Variants in VWC2L observed in about 807,000 individuals in gnomAD.
VWC2L encodes von Willebrand factor C domain-containing protein 2-like.
Under a neutral mutation model 21.6 loss-of-function variants are expected in VWC2L, and 10 were observed. That is an observed-to-expected ratio of 0.46 (90% confidence interval 0.29 to 0.78). The LOEUF is 0.78. Among genes scored for constraint, VWC2L ranks in the 30% least tolerant of loss-of-function variants. The pLI is 0.10. For synonymous variants in VWC2L, 96 were observed against 94.3 expected (o/e 1.02, Z -0.10); for missense variants, 209 against 277.1 (o/e 0.75, Z 1.74).
At chr2:214,479,198 T>G (rs1157658877) in intron 3 of VWC2L, among the ~76,000 whole-genome samples, 1 of 152,214 alleles carries the variant, frequency 6.6e-6, no homozygotes. Flanking sequence ...TACCATGATA[T>G]CATGTCATTT....
At chr2:214,558,583 G>A (rs1022026642) in intron 3 of VWC2L, among the ~76,000 whole-genome samples, 2 of 151,992 alleles carry the variant, frequency 1.3e-5, no homozygotes, top group Non-Finnish European at 2.9e-5. Flanking sequence ...CCTAAATATT[G>A]CTCACACCCA....
chr2:214,509,384 A>G (rs1016054969), intron 3 of VWC2L, among the ~76,000 whole-genome samples: 6 of 152,106 alleles, frequency 3.9e-5, no homozygotes, highest in Admixed American at 6.5e-5. Context: ...TTGCTATTCT[A>G]GTCTCTAGTT....
intron 3 of VWC2L, among the ~76,000 whole-genome samples, chr2:214,542,641 AGGCAGC>A (rs1367084318): frequency 1.4e-4 from 21 of 152,320 alleles, no homozygotes; most frequent in African/African-American, 5.1e-4. Context: ...AAATTGCTGC[AGGCAGC>A]GGTCAAAACA....
intron 3 of VWC2L, among the ~76,000 whole-genome samples, chr2:214,567,013 T>C (rs1459040644): frequency 6.6e-6 from 1 of 152,176 alleles, no homozygotes; most frequent in Non-Finnish European, 1.5e-5. Context: ...ATGATTTAGA[T>C]GCTCTGCCAA....
At chr2:214,445,539 T>C (rs74268635) in intron 3 of VWC2L, among the ~76,000 whole-genome samples, 1 of 151,740 alleles carries the variant, frequency 6.6e-6, no homozygotes, top group East Asian at 1.9e-4. Flanking sequence ...TATACATATT[T>C]ATAGGTCATA....
At chr2:214,424,206 T>C (rs1337242581) in intron 2 of VWC2L, among the ~76,000 whole-genome samples, 1 of 152,176 alleles carries the variant, frequency 6.6e-6, no homozygotes, top group Non-Finnish European at 1.5e-5. Flanking sequence ...AATTCAGCCT[T>C]TTCTAGATTG....
chr2:214,419,323 G>C (rs1350038464), intron 2 of VWC2L, among the ~76,000 whole-genome samples: 1 of 152,070 alleles, frequency 6.6e-6, no homozygotes, highest in Non-Finnish European at 1.5e-5. Context: ...CATTATAATA[G>C]CAGTTTCTAC....
At chr2:214,525,870 C>A (rs1574617090) in intron 3 of VWC2L, among the ~76,000 whole-genome samples, 1 of 152,142 alleles carries the variant, frequency 6.6e-6, no homozygotes, top group Non-Finnish European at 1.5e-5. Flanking sequence ...GTTTCTAAGA[C>A]TTTCTCAGCT....
At chr2:214,524,145 A>T (rs754512596) in intron 3 of VWC2L, among the ~76,000 whole-genome samples, 3 of 152,208 alleles carry the variant, frequency 2.0e-5, no homozygotes, top group Non-Finnish European at 2.9e-5. Context: ...GAGGCAAATT[A>T]CTATAATATG....
intron 3 of VWC2L, among the ~76,000 whole-genome samples, chr2:214,535,377 C>G (rs1238513748): frequency 6.6e-6 from 1 of 152,030 alleles, no homozygotes; most frequent in East Asian, 1.9e-4. Context: ...CCCTTCTGGT[C>G]CAAGATTCTC....
At chr2:214,511,340 T>C (rs1689049352) in intron 3 of VWC2L, among the ~76,000 whole-genome samples, 1 of 151,500 alleles carries the variant, frequency 6.6e-6, no homozygotes, top group Admixed American at 6.6e-5. Flanking sequence ...TAAATTGTGG[T>C]CCCCCCTCAA....
intron 3 of VWC2L, among the ~76,000 whole-genome samples, chr2:214,459,044 G>T (rs562323420): frequency 1.3e-3 from 205 of 152,228 alleles, no homozygotes; most frequent in African/African-American, 4.9e-3. Flanking sequence ...GCATTGGGGT[G>T]TATCTCTCCT....
intron 3 of VWC2L, among the ~76,000 whole-genome samples, chr2:214,456,472 C>T (rs1051235996): frequency 1.3e-5 from 2 of 151,998 alleles, no homozygotes; most frequent in Non-Finnish European, 2.9e-5. Flanking sequence ...GACATTACGC[C>T]TTTGTCAGAT....
chr2:214,528,490 ACTTTT>A (rs1689378665), intron 3 of VWC2L, among the ~76,000 whole-genome samples: 1 of 152,126 alleles, frequency 6.6e-6, no homozygotes, highest in South Asian at 2.1e-4. Flanking sequence ...TATCCTCTTA[ACTTTT>A]CTTTTCTCTG....
chr2:214,539,469 A>C (rs1689593012), intron 3 of VWC2L, among the ~76,000 whole-genome samples: 1 of 152,180 alleles, frequency 6.6e-6, no homozygotes, highest in African/African-American at 2.4e-5. Flanking sequence ...ATTTGGAAAA[A>C]AATAAATGCA....
Position 214,578,837 on chromosome 2 carries a change from G to A in VWC2L, c.*3017G>A, listed in dbSNP as rs1490101829. The A allele has an allele frequency of 3.3e-5, 5 of 151,308 alleles. No individual in the cohort carries two copies. Among genetic ancestry groups the A allele is most frequent in the African/African-American group, 7.3e-5 (3 of 41,262 alleles). The allele number at this position is 151,308 out of a possible 1,614,324, so 9.4% of individuals were successfully genotyped here. On this transcript the variant is annotated 3_prime_UTR_variant, in exon 4 of 4. Transcript: ENST00000312504. ...GTTTCTAAAATCTTTGAAAAATGGC[G>A]TGCCTGAAAACTAGTGAGAAAAAAA...
At chr2:214,448,233 A>T (rs1490696919) in intron 3 of VWC2L, among the ~76,000 whole-genome samples, 1 of 152,252 alleles carries the variant, frequency 6.6e-6, no homozygotes, top group Non-Finnish European at 1.5e-5. Context: ...CTTACTATGT[A>T]CAACACATTG....
chr2:214,519,503 C>G (rs1689197997), intron 3 of VWC2L, among the ~76,000 whole-genome samples: 1 of 152,136 alleles, frequency 6.6e-6, no homozygotes, highest in Admixed American at 6.6e-5. Flanking sequence ...ACCATGATAC[C>G]ACAAGTGTGT....
intron 3 of VWC2L, among the ~76,000 whole-genome samples, chr2:214,570,279 A>G (rs1373364210): frequency 6.6e-6 from 1 of 152,244 alleles, no homozygotes; most frequent in African/African-American, 2.4e-5. Flanking sequence ...TTTCTTTTGA[A>G]TGATTCCTAC....
Sources: allele counts gnomAD v4.1 joint callset (sites outside exome capture counted in the v4.1 genomes callset), GRCh38; gene constraint gnomAD v4.1.1; transcripts MANE v1.5; gene names NCBI Gene and HGNC (gene_info 2026-07-23, HGNC 2026-07-21).